CDKL5: variants seen among roughly 807,000 people sequenced by gnomAD.
CDKL5 encodes the protein cyclin dependent kinase like 5.
Under a neutral mutation model 61.7 loss-of-function variants are expected in CDKL5, and 8 were observed. The ratio of observed to expected loss-of-function variants is 0.13; its 90% CI spans 0.08 to 0.23. The LOEUF (loss-of-function observed/expected upper bound fraction) is 0.23, where lower values mean the gene tolerates loss of function less well. Ranked by LOEUF, CDKL5 falls within the 10% of genes least tolerant of loss-of-function variation. CDKL5 has a pLI of 1.00. For synonymous variants in CDKL5, 275 were observed against 272.3 expected (o/e 1.01, Z -0.10); for missense variants, 440 against 734.5 (o/e 0.60, Z 4.63).
chrX:18,588,587 G>A (rs938834826), intron 9 of CDKL5: 10 of 132,461 alleles, frequency 7.5e-5, no homozygotes, highest in African/African-American at 3.3e-4. Context: ...GTCCACTGAC[G>A]GTGAAACATC....
At chrX:18,571,223 C>T (rs1290370249) in intron 4 of CDKL5, among the ~76,000 whole-genome samples, 1 of 111,205 alleles carries the variant, frequency 9.0e-6, no homozygotes, top group African/African-American at 3.3e-5. Context: ...CATACTATGC[C>T]GCCTTGCCGT....
intron 15 of CDKL5, among the ~76,000 whole-genome samples, chrX:18,617,429 G>A (rs1052864369): frequency 8.9e-6 from 1 of 112,019 alleles, no homozygotes; most frequent in African/African-American, 3.2e-5. Flanking sequence ...CTTCCAGGTG[G>A]AATCACAGGG....
intron 3 of CDKL5, among the ~76,000 whole-genome samples, chrX:18,512,785 T>G (rs1243892694): frequency 9.0e-6 from 1 of 111,520 alleles, no homozygotes; most frequent in Non-Finnish European, 1.9e-5. Context: ...TGCTATACTT[T>G]TAATGACTTG....
intron 1 of CDKL5, among the ~76,000 whole-genome samples, chrX:18,445,839 C>A (rs1931863054): frequency 9.0e-6 from 1 of 111,088 alleles, no homozygotes; most frequent in African/African-American, 3.3e-5. Flanking sequence ...ATTACCCAAT[C>A]TTGGGTAGTA....
chrX:18,520,836 G>A (rs1281267262), intron 3 of CDKL5, among the ~76,000 whole-genome samples: 3 of 111,483 alleles, frequency 2.7e-5, no homozygotes, highest in Non-Finnish European at 5.7e-5. Flanking sequence ...TCCCAGGTTC[G>A]AGTGATTCTT....
rs1927511144 is a variant in CDKL5 at position 18,640,054 on chromosome X, A to T, written c.*11297A>T. ...GGGTGCAGGATTTCTCTTTGGGGTG[A>T]TAAACTTTCTAAAATTGATCTAGTG... On this transcript the variant is annotated 3_prime_UTR_variant, in exon 18 of 18. Coordinates refer to ENST00000623535, the MANE Select transcript of CDKL5 (RefSeq NM_001323289.2). 9.0e-6 allele frequency: 1 copy of T among 111,396 alleles called. No homozygotes were observed. The highest frequency in any genetic ancestry group is 3.3e-5 in the African/African-American group (1 of 30,559). 9.2% of individuals were successfully genotyped at this position (111,396 alleles called of 1,213,427 possible).
chrX:18,448,185 G>A (rs188074496), intron 1 of CDKL5, among the ~76,000 whole-genome samples: 2 of 112,048 alleles, frequency 1.8e-5, no homozygotes, highest in Non-Finnish European at 1.9e-5. Context: ...CTCAAACTTC[G>A]TTTTCTGAGA....
intron 11 of CDKL5, among the ~76,000 whole-genome samples, 158 bp from the exon 12 acceptor site, chrX:18,603,744 C>T (rs1957856355): frequency 8.9e-6 from 1 of 112,495 alleles, no homozygotes; most frequent in South Asian, 3.7e-4. Context: ...AACTTAATTG[C>T]TGTTGATAGG....
intron 4 of CDKL5, among the ~76,000 whole-genome samples, chrX:18,565,528 A>T (rs979935969): frequency 2.4e-4 from 27 of 112,065 alleles, no homozygotes; most frequent in Non-Finnish European, 5.1e-4. Context: ...CTTCATATCT[A>T]ATTAGAAGTG....
chrX:18,609,588 A>G lies in CDKL5; in HGVS notation c.2152+18A>G, dbSNP rs553652636. 4.5e-5 allele frequency: 54 copies of G among 1,207,675 alleles called. 2 individuals carry two copies. The South Asian group carries it at 8.8e-4, about 20-fold the overall frequency. On this transcript the variant is annotated intron_variant, in intron 14 of 17. Transcript: ENST00000623535. The stretch of plus-strand genomic sequence containing the variant: ...TTACAGAGGTAAGCCCACCCCCGGC[A>G]TTCAACAGGTTCCCCTCTCCTCCCT...
intron 2 of CDKL5, among the ~76,000 whole-genome samples, 184 bp downstream of exon 2, chrX:18,507,344 A>G (rs1321033404): frequency 1.8e-5 from 2 of 111,427 alleles, no homozygotes; most frequent in African/African-American, 6.5e-5. Context: ...CCAATAAAAA[A>G]TTAATAACTT....
intron 3 of CDKL5, among the ~76,000 whole-genome samples, chrX:18,516,000 T>TTCTC (rs61114888): frequency 3.4e-4 from 36 of 107,161 alleles, no homozygotes; most frequent in East Asian, 1.2e-3. Flanking sequence ...CTTTCCTTCT[T>TTCTC]TCTCTCTCTC....
rs138299751 is a variant in CDKL5, at chrX:18,594,876, G to T, written c.745-472G>T. On this transcript the variant is annotated intron_variant, in intron 9 of 17. Coordinates refer to ENST00000623535, the MANE Select transcript of CDKL5 (RefSeq NM_001323289.2). ...TCCTATTATTTGACACCCAGTCGTAGTAATCCATATAAAAATACATAGACG... is the reference window on the plus strand; with the variant it reads ...TCCTATTATTTGACACCCAGTCGTATTAATCCATATAAAAATACATAGACG... 8.5e-3 allele frequency among the ~76,000 whole-genome samples: 957 copies of T among 112,352 alleles called. 4 individuals are homozygous for T. Among genetic ancestry groups the T allele is most frequent in the Middle Eastern group, 0.051 (11 of 215 alleles).
Position 18,492,651 on chromosome X carries a change from G to A in CDKL5, c.-162-14284G>A, listed in dbSNP as rs148608077. Among the ~76,000 whole-genome samples, 636 of 111,028 alleles carry A rather than the reference G, an allele frequency of 5.7e-3. 4 individuals carry two copies. The highest frequency in any genetic ancestry group is 0.02 in the African/African-American group (605 of 30,538). ...CCTCCCTGTCTCTAATCCATCCTCA[G>A]TGGTATTGACTTCCTCTCCAACATG... On this transcript the variant is annotated intron_variant, in intron 1 of 17. Coordinates refer to ENST00000623535, the MANE Select transcript of CDKL5 (RefSeq NM_001323289.2).
chrX:18,484,392 G>C (rs1418524270), intron 1 of CDKL5, among the ~76,000 whole-genome samples: 7 of 109,988 alleles, frequency 6.4e-5, no homozygotes, highest in Non-Finnish European at 1.3e-4. Flanking sequence ...ATCTCGGCTC[G>C]CTGTAACCTC....
intron 1 of CDKL5, among the ~76,000 whole-genome samples, chrX:18,469,317 CGACAG>C (rs1921001290): frequency 1.3e-5 from 1 of 77,856 alleles, no homozygotes; most frequent in Admixed American, 1.9e-4. Context: ...CCAGCCTGGG[CGACAG>C]AGTGAGACTC....
At position 18,633,122 on chromosome X, in the gene CDKL5, G is replaced by A; in HGVS notation, c.*4365G>A. 1.3e-6 allele frequency: 1 copy of A among 754,168 alleles called. No homozygotes were observed. The allele number at this position is 754,168 out of a possible 1,213,427, so 62.2% of individuals were successfully genotyped here. A position where few individuals can be genotyped will look rare whatever the true frequency, so the allele number is the denominator to read the frequency against. ...TCTGCTGGTCAGAACATGTTTCCTG[G>A]AGAGCATTGCTTTTCTATCTAGAAG... On this transcript the variant is annotated 3_prime_UTR_variant, in exon 18 of 18. Coordinates refer to ENST00000623535, the MANE Select transcript of CDKL5 (RefSeq NM_001323289.2).
At position 18,430,375 on chromosome X, in the gene CDKL5, G is replaced by A. The variant is rs368483763; in HGVS notation, c.-163+4680G>A. 6.6e-3 allele frequency among the ~76,000 whole-genome samples: 742 copies of A among 111,936 alleles called. 8 individuals are homozygous for A. Among genetic ancestry groups the A allele is most frequent in the African/African-American group, 0.022 (693 of 30,841 alleles). On this transcript the variant is annotated intron_variant, in intron 1 of 17. Coordinates refer to ENST00000623535, the MANE Select transcript of CDKL5 (RefSeq NM_001323289.2). Reference sequence around the variant, plus strand: ...ATGGCAGCCATTATAATTTGCAGATGGGCACCTCTTGTGTAATTATGACCA... The same window carrying A: ...ATGGCAGCCATTATAATTTGCAGATAGGCACCTCTTGTGTAATTATGACCA...
chrX:18,479,084 C>T (rs1921442599), intron 1 of CDKL5, among the ~76,000 whole-genome samples: 2 of 111,278 alleles, frequency 1.8e-5, no homozygotes, highest in South Asian at 7.4e-4. Flanking sequence ...AACTCCTGGC[C>T]TGAAGCAATC....
Sources: gnomAD v4.1 joint callset for allele counts (sites outside exome capture counted in the v4.1 genomes callset) on GRCh38, gnomAD v4.1.1 for gene constraint, MANE v1.5 for transcripts, NCBI Gene and HGNC (gene_info 2026-07-23, HGNC 2026-07-21) for gene names.